Variants in JAM2 observed in about 807,000 individuals in gnomAD.
JAM2 encodes junctional adhesion molecule 2.
In JAM2, 17 loss-of-function variants were observed where a neutral mutation model predicts 42.0. The ratio of observed to expected loss-of-function variants is 0.40; its 90% CI spans 0.28 to 0.61. JAM2 has a LOEUF of 0.61. Ranked by LOEUF, JAM2 falls within the 20% of genes least tolerant of loss-of-function variation. The pLI, the probability that JAM2 is intolerant of heterozygous loss-of-function variation, is 0.37. For missense variants in JAM2, 319 were observed against 358.3 expected (o/e 0.89, Z 0.89); for synonymous variants, 118 against 128.6 (o/e 0.92, Z 0.56).
At chr21:25,690,518 T>C (rs931166647) in intron 3 of JAM2, among the ~76,000 whole-genome samples, 1 of 152,090 alleles carries the variant, frequency 6.6e-6, no homozygotes, top group African/African-American at 2.4e-5. Context: ...ATTTATTTAT[T>C]TTTTTGTAGA....
intron 6 of JAM2, among the ~76,000 whole-genome samples, chr21:25,704,254 A>G (rs1389514678): frequency 6.6e-6 from 1 of 152,202 alleles, no homozygotes; most frequent in African/African-American, 2.4e-5. Context: ...GTAAATAAAA[A>G]GCTGAATCTT....
At chr21:25,646,367 A>G (rs78613269) in intron 1 of JAM2, among the ~76,000 whole-genome samples, 11,348 of 152,256 alleles carry the variant, frequency 0.075, 788 homozygotes, top group East Asian at 0.38. Context: ...ATGAAACAGT[A>G]GCTCTTTTGG....
chr21:25,649,467 G>T (rs185759276), intron 1 of JAM2, among the ~76,000 whole-genome samples: 3 of 152,230 alleles, frequency 2.0e-5, no homozygotes, highest in Admixed American at 2.0e-4. Flanking sequence ...AGAAAAGAAA[G>T]CATGGAGGTA....
intron 1 of JAM2, among the ~76,000 whole-genome samples, chr21:25,641,598 T>A (rs2032445640): frequency 6.6e-6 from 1 of 151,252 alleles, no homozygotes; most frequent in Admixed American, 6.6e-5. Flanking sequence ...TGTGGGTGTT[T>A]TTTTTTTTAT....
chr21:25,653,332 G>T (rs2032834313), intron 1 of JAM2, among the ~76,000 whole-genome samples: 1 of 152,144 alleles, frequency 6.6e-6, no homozygotes, highest in Non-Finnish European at 1.5e-5. Flanking sequence ...GGAAACTTTG[G>T]AGGGACACCT....
In JAM2 at chr21:25,715,981, C is replaced by CTTTT. The variant is rs1387959218; in HGVS notation, c.*1312_*1313insTTTT. ...AACTATGAACATGATGGTTAATCTT[C>CTTTT]TTTCTTTTTTTTTTTTTTTTTTTGA... On this transcript the variant is annotated 3_prime_UTR_variant, in exon 10 of 10. Coordinates refer to ENST00000480456, the MANE Select transcript of JAM2 (RefSeq NM_021219.4). 1.3e-5 allele frequency: 1 copy of CTTTT among 76,090 alleles called. No homozygotes were observed. The highest frequency in any genetic ancestry group is 3.0e-5 in the Non-Finnish European group (1 of 33,482). The allele number at this position is 76,090 out of a possible 1,614,324, so 4.7% of individuals were successfully genotyped here. A position where few individuals can be genotyped will look rare whatever the true frequency, so the allele number is the denominator to read the frequency against.
In JAM2 at chr21:25,695,134, G is replaced by A. The variant is rs529806487; in HGVS notation, c.394+1226G>A. On this transcript the variant is annotated intron_variant, in intron 4 of 9. Coordinates refer to ENST00000480456, the MANE Select transcript of JAM2 (RefSeq NM_021219.4). ...TAGGCAGAGGACCCTGCGGCCTTCC[G>A]CAGTGTTTGTGTCCCTGGGTACTTG... is the stretch of plus-strand genomic sequence containing the variant. Among the ~76,000 whole-genome samples the A allele has an allele frequency of 1.1e-3, 162 of 152,202 alleles. 7 individuals carry two copies. The South Asian group carries it at 0.032, about 30-fold the overall frequency.
chr21:25,648,754 A>G (rs1299268882), intron 1 of JAM2, among the ~76,000 whole-genome samples: 1 of 152,132 alleles, frequency 6.6e-6, no homozygotes, highest in African/African-American at 2.4e-5. Flanking sequence ...TTCCATGTAT[A>G]TCTCTCTGTA....
intron 8 of JAM2, chr21:25,711,351 C>A: frequency 2.2e-6 from 1 of 448,870 alleles, no homozygotes. Flanking sequence ...TATGACTGTC[C>A]TTCTTGTATG....
intron 1 of JAM2, among the ~76,000 whole-genome samples, chr21:25,664,707 A>T (rs897128975): frequency 1.3e-5 from 2 of 152,072 alleles, no homozygotes; most frequent in African/African-American, 4.8e-5. Flanking sequence ...TTCCTCTTGG[A>T]CTTTTTCTCT....
At chr21:25,707,502 G>C (rs1375762929) in intron 7 of JAM2, among the ~76,000 whole-genome samples, 1 of 152,034 alleles carries the variant, frequency 6.6e-6, no homozygotes, top group African/African-American at 2.4e-5. Flanking sequence ...CAAAAAAAGA[G>C]AATTGTTCAG....
chr21:25,706,886 C>T (rs2099101377), intron 7 of JAM2, among the ~76,000 whole-genome samples: 1 of 151,984 alleles, frequency 6.6e-6, no homozygotes, highest in South Asian at 2.1e-4. Context: ...ACTACAGGCT[C>T]CCGCCACCAC....
In JAM2 at chr21:25,680,120, A is replaced by G. The variant is rs1322839999; in HGVS notation, c.68-3763A>G. On this transcript the variant is annotated intron_variant, in intron 1 of 9. Transcript: ENST00000480456. ...ATTATCCTTTCTCAAGGGTCCATCA[A>G]GGTCCTTGTCCTCTAAGTTACTTCC... Among the ~76,000 whole-genome samples the G allele has an allele frequency of 2.0e-5, 3 of 152,208 alleles. No individual in the cohort carries two copies. The East Asian group carries it at 5.8e-4, about 29-fold the overall frequency.
At chr21:25,643,721 A>C (rs1359297872) in intron 1 of JAM2, 4 of 152,220 alleles carry the variant, frequency 2.6e-5, no homozygotes, top group African/African-American at 9.7e-5. Context: ...ACTATGAAAG[A>C]AATTATATTA....
Position 25,639,776 on chromosome 21 carries a change from C to A in JAM2, c.-46C>A, listed in dbSNP as rs118115569. 78,255 of 1,425,876 alleles carry A rather than the reference C, an allele frequency of 0.055. 2,382 individuals are homozygous for A. Among genetic ancestry groups the A allele is most frequent in the Admixed American group, 0.076 (3,734 of 49,028 alleles). The allele number at this position is 1,425,876 out of a possible 1,614,324, so 88.3% of individuals were successfully genotyped here. Reference sequence around the variant, plus strand: ...CCCCGGCCTCCTGCGCTCCTGCCGCCGGGACCCTCGACCTCCTCAGAGCAG... The same window carrying A: ...CCCCGGCCTCCTGCGCTCCTGCCGCAGGGACCCTCGACCTCCTCAGAGCAG... On this transcript the variant is annotated 5_prime_UTR_variant, in exon 1 of 10. Transcript: ENST00000480456.
chr21:25,669,264 C>T (rs1268537603), intron 1 of JAM2, among the ~76,000 whole-genome samples: 1 of 151,730 alleles, frequency 6.6e-6, no homozygotes, highest in Non-Finnish European at 1.5e-5. Context: ...TCCAGCTACT[C>T]GGAAGGCTGA....
At chr21:25,675,606 A>G (rs1601020934) in intron 1 of JAM2, among the ~76,000 whole-genome samples, 1 of 126,748 alleles carries the variant, frequency 7.9e-6, no homozygotes, top group Non-Finnish European at 1.6e-5. Flanking sequence ...GAAGGAAGGA[A>G]GGAGGGAGGG....
chr21:25,698,332 T>C (rs1299794553), intron 4 of JAM2, among the ~76,000 whole-genome samples: 1 of 152,252 alleles, frequency 6.6e-6, no homozygotes, highest in Non-Finnish European at 1.5e-5. Context: ...TACTTGGTAG[T>C]TGCAGGGGGT....
rs999932467 is a variant in JAM2, at chr21:25,716,878, T to G, written c.*2206T>G. The G allele has an allele frequency of 6.6e-6, 1 of 152,362 alleles. No homozygotes were observed. Among genetic ancestry groups the G allele is most frequent in the Non-Finnish European group, 1.5e-5 (1 of 68,030 alleles). 9.4% of individuals were successfully genotyped at this position (152,362 alleles called of 1,614,324 possible). Reference sequence around the variant, plus strand: ...GGAATGCTTTCCTCTTGCATTGGCATGCCAAGAGGATAGATGACTCTGAAA... The same window carrying G: ...GGAATGCTTTCCTCTTGCATTGGCAGGCCAAGAGGATAGATGACTCTGAAA... On this transcript the variant is annotated 3_prime_UTR_variant, in exon 10 of 10. Coordinates refer to ENST00000480456, the MANE Select transcript of JAM2 (RefSeq NM_021219.4).
Sources: allele counts gnomAD v4.1 joint callset (sites outside exome capture counted in the v4.1 genomes callset), GRCh38; gene constraint gnomAD v4.1.1; transcripts MANE v1.5; gene names NCBI Gene and HGNC (gene_info 2026-07-23, HGNC 2026-07-21).